The following CERK variants were observed in gnomAD, a reference collection of about 807,000 sequenced individuals.
The protein encoded by CERK is acylsphingosine kinase.
A neutral mutation model predicts 63.4 loss-of-function variants in CERK; 39 were observed. The ratio of observed to expected loss-of-function variants is 0.61; its 90% CI spans 0.48 to 0.80. The LOEUF (loss-of-function observed/expected upper bound fraction) is 0.80, where lower values mean the gene tolerates loss of function less well. Among genes scored for constraint, CERK ranks in the 30% least tolerant of loss-of-function variants. The pLI, the probability that CERK is intolerant of heterozygous loss-of-function variation, is 0.00. For missense variants in CERK, 670 were observed against 714.1 expected (o/e 0.94, Z 0.70); for synonymous variants, 302 against 280.0 (o/e 1.08, Z -0.78).
intron 5 of CERK, 112 bp downstream of exon 5, chr22:46,710,974 C>G: frequency 1.3e-6 from 1 of 778,288 alleles, no homozygotes; most frequent in Non-Finnish European, 2.2e-6. Context: ...TACAATTGGT[C>G]GTGGGTGGAG....
At chr22:46,702,550 C>G (rs1009427636) in intron 6 of CERK, among the ~76,000 whole-genome samples, 2 of 152,150 alleles carry the variant, frequency 1.3e-5, no homozygotes, top group African/African-American at 4.8e-5. Context: ...CTTGGCCTCC[C>G]AAAGTGCTGG....
intron 1 of CERK, among the ~76,000 whole-genome samples, chr22:46,728,912 T>C (rs758159283): frequency 3.9e-5 from 6 of 152,206 alleles, no homozygotes; most frequent in Non-Finnish European, 7.4e-5. Context: ...GCAGGAATAC[T>C]TGGCTCTGAG....
rs1254888962 is a variant in CERK, at chr22:46,727,829, C to T, written c.143-6814G>A. Among the ~76,000 whole-genome samples, 2 of 58,390 alleles carry T rather than the reference C, an allele frequency of 3.4e-5. 1 individual carries two copies. The highest frequency in any genetic ancestry group is 4.3e-4 in the Admixed American group (2 of 4,696). The allele number at this position is 58,390 out of a possible 152,430, so 38.3% of individuals were successfully genotyped here. A position where few individuals can be genotyped will look rare whatever the true frequency, so the allele number is the denominator to read the frequency against. On this transcript the variant is annotated intron_variant, in intron 1 of 12. Coordinates refer to ENST00000216264, the MANE Select transcript of CERK (RefSeq NM_022766.6). ...CCGCCCCAACACTCCCCTGGCCCAG[C>T]CACCCCCCCCGGCCCTGCCACCCCC...
Position 46,690,180 on chromosome 22 carries a change from T to C in CERK, c.1353A>G (p.Glu451=). 6.2e-7 allele frequency: 1 copy of C among 1,613,710 alleles called. No individual in the cohort carries two copies. The highest frequency in any genetic ancestry group is 8.5e-7 in the Non-Finnish European group (1 of 1,179,954). The change falls in exon 12 of 13, where the codon GAA becomes GAG. Residue 451 remains glutamate, a synonymous_variant. Transcript: ENST00000216264. The stretch of plus-strand genomic sequence containing the variant: ...ACTGGAATTTCTTGACGCGATAAAC[T>C]TCAACAAAAGTGAAGTCAAACTACC... ...QQDQFDFTFV[E]VYRVKKFQFT...
chr22:46,696,840 AG>A (rs899239208), intron 8 of CERK, among the ~76,000 whole-genome samples: 2 of 151,126 alleles, frequency 1.3e-5, no homozygotes, highest in East Asian at 2.0e-4. Context: ...CTGAGGGCAA[AG>A]GGGGGGGCCA....
chr22:46,693,333 TG>T, intron 10 of CERK, 93 bp downstream of exon 10: 1 of 991,576 alleles, frequency 1.0e-6, no homozygotes, highest in African/African-American at 1.6e-5. Flanking sequence ...AAAGCACAGG[TG>T]GGCAGGGAGA....
intron 11 of CERK, among the ~76,000 whole-genome samples, chr22:46,690,985 GTATA>G (rs201552501): frequency 0.019 from 2,806 of 151,150 alleles, 77 homozygotes; most frequent in African/African-American, 0.065. Context: ...ATGTATGTGT[GTATA>G]TGTATGTATG....
intron 1 of CERK, among the ~76,000 whole-genome samples, chr22:46,721,804 A>C (rs1464025569): frequency 6.6e-6 from 1 of 152,126 alleles, no homozygotes; most frequent in Non-Finnish European, 1.5e-5. Flanking sequence ...GAGACAGGGG[A>C]GACTTCCAGG....
At position 46,689,996 on chromosome 22, in the gene CERK, C is replaced by A. The variant is rs774060048; in HGVS notation, c.1537G>T (p.Val513Phe). The A allele has an allele frequency of 7.5e-6, 12 of 1,603,082 alleles. No individual in the cohort carries two copies. The highest frequency in any genetic ancestry group is 3.4e-5 in the Admixed American group (2 of 59,482). Residue 513 changes from valine to phenylalanine, a missense_variant, in exon 12 of 13, where the codon GTC (valine) becomes TTC (phenylalanine). Val to Phe is a conservative substitution (Grantham distance 50). Coordinates refer to ENST00000216264, the MANE Select transcript of CERK (RefSeq NM_022766.6). ...CTGGAGGACCCCTGCACGCACCTGA[C>A]CTCGATGGCAGGGCTGTGCAGGACC... ...GEVLHSPAIEVRVHCQLVRLF... is the reference protein window; with the variant it reads ...GEVLHSPAIEFRVHCQLVRLF...
At position 46,691,584 on chromosome 22, in the gene CERK, G is replaced by C. The variant is rs2082731755; in HGVS notation, c.1320C>G (p.Asn440Lys). 1.2e-6 allele frequency: 2 copies of C among 1,613,804 alleles called. No individual in the cohort carries two copies. The highest frequency in any genetic ancestry group is 3.3e-5 in the Admixed American group (2 of 59,996). Residue 440 changes from asparagine (N) to lysine (K), a missense_variant, in exon 11 of 13, where the codon AAC becomes AAG. Coordinates refer to ENST00000216264, the MANE Select transcript of CERK (RefSeq NM_022766.6). ...NFLRFLIRHT[N>K]QQDQFDFTFV... is the part of the protein sequence containing the mutation. The stretch of plus-strand genomic sequence containing the variant: ...GCACCCCACTTACCTGGTCCTGCTG[G>C]TTGGTGTGCCTGATGAGAAATCTCA...
At chr22:46,701,519 C>T in intron 7 of CERK, 117 bp downstream of exon 7, 1 of 823,554 alleles carries the variant, frequency 1.2e-6, no homozygotes, top group South Asian at 1.7e-5. Flanking sequence ...ACAGCGTGAC[C>T]CACGGCCAGG....
At chr22:46,720,286 T>G (rs977520535) in intron 2 of CERK, 78 bp from the exon 3 acceptor site, 3 of 1,529,746 alleles carry the variant, frequency 2.0e-6, no homozygotes, top group Non-Finnish European at 2.6e-6. Flanking sequence ...ATGCACCAAA[T>G]GCAGCTAATT....
chr22:46,727,499 G>A (rs1428625969), intron 1 of CERK, among the ~76,000 whole-genome samples: 2 of 148,334 alleles, frequency 1.3e-5, no homozygotes, highest in African/African-American at 2.5e-5. Flanking sequence ...TGCCCTCAGA[G>A]ACCTGGTTGG....
chr22:46,720,241 AGTTTGCAG>A (rs1485956179), intron 2 of CERK, 33 bp from the exon 3 acceptor site: 47 of 1,590,348 alleles, frequency 3.0e-5, no homozygotes, highest in Non-Finnish European at 3.5e-5. Flanking sequence ...GTTAGTGCAA[AGTTTGCAG>A]GGTCACTGAC....
chr22:46,735,932 G>A (rs555396018), intron 1 of CERK, among the ~76,000 whole-genome samples: 3 of 152,324 alleles, frequency 2.0e-5, no homozygotes, highest in South Asian at 4.1e-4. Context: ...ACAACTTAGC[G>A]TTTCCCAACT....
At chr22:46,695,371 G>A in intron 8 of CERK, 56 bp from the exon 9 acceptor site, 2 of 1,051,662 alleles carry the variant, frequency 1.9e-6, no homozygotes, top group Non-Finnish European at 3.0e-6. Context: ...GCTTGGTTAG[G>A]ATGCTGTGCT....
At position 46,691,592 on chromosome 22, in the gene CERK, G is replaced by A; in HGVS notation, c.1312C>T (p.His438Tyr). 1.2e-6 allele frequency: 2 copies of A among 1,613,852 alleles called. No individual in the cohort carries two copies. Among genetic ancestry groups the A allele is most frequent in the Non-Finnish European group, 1.7e-6 (2 of 1,179,976 alleles). ...RFNFLRFLIR[H>Y]TNQQDQFDFT... ...CTTACCTGGTCCTGCTGGTTGGTGT[G>A]CCTGATGAGAAATCTCAGAAAATTG... Residue 438 changes from histidine to tyrosine, a missense_variant, in exon 11 of 13, where the codon CAC (histidine) becomes TAC (tyrosine). His to Tyr is a moderately conservative substitution (Grantham distance 83). Transcript: ENST00000216264.
intron 6 of CERK, 56 bp from the exon 7 acceptor site, chr22:46,701,766 C>A: frequency 7.5e-7 from 1 of 1,333,216 alleles, no homozygotes; most frequent in Non-Finnish European, 1.1e-6. Flanking sequence ...ATTGTAATCG[C>A]CTCCCAATTC....
At chr22:46,710,588 C>T (rs1264612680) in intron 5 of CERK, among the ~76,000 whole-genome samples, 1 of 151,954 alleles carries the variant, frequency 6.6e-6, no homozygotes, top group Admixed American at 6.6e-5. Context: ...GATTTATGTA[C>T]AACAATGCTA....
Sources: allele counts gnomAD v4.1 joint callset (sites outside exome capture counted in the v4.1 genomes callset), GRCh38; gene constraint gnomAD v4.1.1; transcripts MANE v1.5; gene names NCBI Gene and HGNC (gene_info 2026-07-23, HGNC 2026-07-21).